MCC: variants seen among roughly 807,000 people sequenced by gnomAD.
MCC encodes the protein colorectal mutant cancer protein.
In MCC, 90 loss-of-function variants were observed where a neutral mutation model predicts 116.2. That is an observed-to-expected ratio of 0.77 (90% CI 0.65 to 0.92). MCC has a LOEUF of 0.92. Ranked by LOEUF, MCC falls within the 40% of genes least tolerant of loss-of-function variation. The pLI is 0.00. For synonymous variants in MCC, 578 were observed against 510.5 expected (o/e 1.13, Z -1.78); for missense variants, 1,516 against 1,312.2 (o/e 1.16, Z -2.40).
At chr5:113,397,547 A>C (rs771498053) in intron 1 of MCC, among the ~76,000 whole-genome samples, 31 of 152,330 alleles carry the variant, frequency 2.0e-4, no homozygotes, top group Admixed American at 2.6e-4. Flanking sequence ...TTGAAATGTC[A>C]AGCCTAATGG....
At chr5:113,397,206 C>A (rs1769549281) in intron 1 of MCC, among the ~76,000 whole-genome samples, 1 of 152,130 alleles carries the variant, frequency 6.6e-6, no homozygotes, top group Non-Finnish European at 1.5e-5. Context: ...ATATGACATG[C>A]ATCTGAAGGA....
chr5:113,049,879 C>T (rs1214005438), intron 15 of MCC, among the ~76,000 whole-genome samples: 1 of 152,176 alleles, frequency 6.6e-6, no homozygotes, highest in Non-Finnish European at 1.5e-5. Flanking sequence ...CAAATGAAAT[C>T]AATAGAAACA....
At chr5:113,270,033 G>A (rs2150352556) in intron 3 of MCC, among the ~76,000 whole-genome samples, 1 of 152,280 alleles carries the variant, frequency 6.6e-6, no homozygotes, top group East Asian at 1.9e-4. Context: ...GGAAAGAGGT[G>A]GGAAGAGCTG....
chr5:113,336,258 G>A (rs1169688351), intron 3 of MCC, among the ~76,000 whole-genome samples: 1 of 151,630 alleles, frequency 6.6e-6, no homozygotes, highest in African/African-American at 2.4e-5. Flanking sequence ...ATGAATTTTG[G>A]AGGGGAAAAC....
At chr5:113,462,442 G>T (rs1465298165) in intron 1 of MCC, among the ~76,000 whole-genome samples, 1 of 152,084 alleles carries the variant, frequency 6.6e-6, no homozygotes, top group Non-Finnish European at 1.5e-5. Flanking sequence ...TTTCATTCCA[G>T]TCGAAACAAC....
At chr5:113,084,951 G>A (rs967199846) in intron 9 of MCC, among the ~76,000 whole-genome samples, 1 of 152,230 alleles carries the variant, frequency 6.6e-6, no homozygotes, top group African/African-American at 2.4e-5. Flanking sequence ...ATTAATGAGA[G>A]CTGGCGTCCA....
chr5:113,289,935 G>T (rs563314320), intron 3 of MCC, among the ~76,000 whole-genome samples: 107 of 152,292 alleles, frequency 7.0e-4, no homozygotes, highest in African/African-American at 2.5e-3. Context: ...AATGAAGTGT[G>T]ATTTTCTAAA....
intron 3 of MCC, among the ~76,000 whole-genome samples, chr5:113,321,002 T>C (rs1050462197): frequency 2.6e-5 from 4 of 152,230 alleles, no homozygotes; most frequent in Non-Finnish European, 2.9e-5. Flanking sequence ...AAAGGTACAT[T>C]TTTATGTAAA....
intron 2 of MCC, among the ~76,000 whole-genome samples, chr5:113,341,679 G>C (rs1423375385): frequency 6.6e-6 from 1 of 152,172 alleles, no homozygotes; most frequent in East Asian, 1.9e-4. Flanking sequence ...GCCTGGTTCA[G>C]ATGGGAATGG....
intron 3 of MCC, among the ~76,000 whole-genome samples, chr5:113,333,875 ACATATACATG>A (rs1767803412): frequency 8.2e-6 from 1 of 122,558 alleles, no homozygotes; most frequent in African/African-American, 3.0e-5. Context: ...ATATGTATTC[ACATATACATG>A]TATTTATATA....
Position 113,488,344 on chromosome 5 carries a change from CT to C in MCC, c.70del (p.Ser24AlafsTer38). On this transcript the variant is annotated frameshift_variant, in exon 1 of 19. Transcript: ENST00000408903. LOFTEE classifies it high-confidence loss of function. Reference sequence around the variant, plus strand: ...GGACGTGTCGCTGCTGCTGCTGCTGCTGCCGCTGCCGCCGCCGCCGCCGCCG... The same window carrying C: ...GGACGTGTCGCTGCTGCTGCTGCTGCGCCGCTGCCGCCGCCGCCGCCGCCG... ...SSGGGGGGSG[S>X]SSSSSDTSST... 6.6e-7 allele frequency: 1 copy of C among 1,515,710 alleles called. No individual in the cohort carries two copies. The highest frequency in any genetic ancestry group is 2.1e-5 in the Admixed American group (1 of 47,914). The allele number at this position is 1,515,710 out of a possible 1,614,324, so 93.9% of individuals were successfully genotyped here. A position where few individuals can be genotyped will look rare whatever the true frequency, so the allele number is the denominator to read the frequency against.
At chr5:113,295,185 AG>A (rs1331145964) in intron 3 of MCC, among the ~76,000 whole-genome samples, 2 of 151,464 alleles carry the variant, frequency 1.3e-5, no homozygotes, top group African/African-American at 4.9e-5. Flanking sequence ...AAAAAAAAAA[AG>A]AAAAGAAAAA....
At chr5:113,412,191 G>C (rs1770012153) in intron 1 of MCC, among the ~76,000 whole-genome samples, 1 of 152,184 alleles carries the variant, frequency 6.6e-6, no homozygotes, top group Admixed American at 6.5e-5. Context: ...AGTATAGTTT[G>C]AAGTCAGGTA....
At chr5:113,188,763 GA>G (rs1228881634) in intron 3 of MCC, among the ~76,000 whole-genome samples, 1 of 152,204 alleles carries the variant, frequency 6.6e-6, no homozygotes, top group Non-Finnish European at 1.5e-5. Flanking sequence ...CTGAGTCTCA[GA>G]GGAAGAATAA....
intron 17 of MCC, among the ~76,000 whole-genome samples, chr5:113,041,958 C>T (rs527419663): frequency 7.9e-5 from 12 of 152,258 alleles, no homozygotes; most frequent in African/African-American, 2.9e-4. Flanking sequence ...GATCGCACCA[C>T]TGCACTCCAG....
intron 14 of MCC, among the ~76,000 whole-genome samples, chr5:113,056,624 C>T (rs1047765120): frequency 1.3e-5 from 2 of 151,988 alleles, no homozygotes; most frequent in Non-Finnish European, 2.9e-5. Flanking sequence ...CTAATGCATA[C>T]GAAGCTTAAT....
intron 3 of MCC, among the ~76,000 whole-genome samples, chr5:113,232,475 T>C (rs1763971374): frequency 6.6e-6 from 1 of 152,142 alleles, no homozygotes; most frequent in African/African-American, 2.4e-5. Flanking sequence ...CTTTCAGGCA[T>C]CTCCAAACAC....
At chr5:113,438,094 A>G (rs1449022480) in intron 1 of MCC, among the ~76,000 whole-genome samples, 1 of 152,218 alleles carries the variant, frequency 6.6e-6, no homozygotes, top group Non-Finnish European at 1.5e-5. Flanking sequence ...TGCAAAATGC[A>G]TGAGAGGAGA....
intron 6 of MCC, among the ~76,000 whole-genome samples, chr5:113,105,330 C>T (rs1455370471): frequency 6.6e-6 from 1 of 152,192 alleles, no homozygotes; most frequent in African/African-American, 2.4e-5. Flanking sequence ...TGGTTAACTG[C>T]TTTTGGGACT....
Sources: allele counts gnomAD v4.1 joint callset (sites outside exome capture counted in the v4.1 genomes callset), GRCh38; gene constraint gnomAD v4.1.1; transcripts MANE v1.5; gene names NCBI Gene and HGNC (gene_info 2026-07-23, HGNC 2026-07-21).